The following ELOVL6 variants were observed in gnomAD, a reference collection of about 807,000 sequenced individuals.
The protein encoded by ELOVL6 is ELOVL fatty acid elongase 6, also known as very long chain fatty acid elongase 6.
In ELOVL6, 8 loss-of-function variants were observed where a neutral mutation model predicts 31.7. The observed-to-expected ratio is 0.25, with a 90% CI of 0.15 to 0.45. The LOEUF is 0.45. ELOVL6 is among the 20% of genes least tolerant of loss of function. ELOVL6 has a pLI of 1.00. For synonymous variants in ELOVL6, 101 were observed against 117.7 expected (o/e 0.86, Z 0.92); for missense variants, 126 against 326.4 (o/e 0.39, Z 4.73).
At chr4:110,065,696 G>C (rs1755280731) in intron 2 of ELOVL6, among the ~76,000 whole-genome samples, 1 of 152,012 alleles carries the variant, frequency 6.6e-6, no homozygotes. Flanking sequence ...TTACCTACTT[G>C]GAAAAAGACT....
chr4:110,094,127 T>C (rs1756497862), intron 2 of ELOVL6, among the ~76,000 whole-genome samples: 1 of 151,494 alleles, frequency 6.6e-6, no homozygotes, highest in Non-Finnish European at 1.5e-5. Flanking sequence ...CATGCGTCTG[T>C]AGTTCCAGCT....
At chr4:110,082,971 G>C (rs1755923095) in intron 2 of ELOVL6, among the ~76,000 whole-genome samples, 1 of 149,668 alleles carries the variant, frequency 6.7e-6, no homozygotes, top group Admixed American at 6.6e-5. Context: ...AACTGAAGAT[G>C]GAGACAAGAA....
rs938987999 is a variant in ELOVL6, at chr4:110,050,493, C to G, written c.*845G>C. The G allele has an allele frequency of 6.6e-6, 1 of 152,176 alleles. No individual in the cohort carries two copies. The highest frequency in any genetic ancestry group is 6.6e-5 in the Admixed American group (1 of 15,258). 9.4% of individuals were successfully genotyped at this position (152,176 alleles called of 1,614,324 possible). On this transcript the variant is annotated 3_prime_UTR_variant, in exon 4 of 4. Transcript: ENST00000302274. ...TATCTTTTTCAATTCTGTATTTACT[C>G]TTCTGTTCAAAAGCCCGGGGCAACT...
intron 2 of ELOVL6, among the ~76,000 whole-genome samples, chr4:110,093,916 T>C (rs1028539759): frequency 6.6e-6 from 1 of 152,022 alleles, no homozygotes; most frequent in African/African-American, 2.4e-5. Context: ...CAAGGCCAAA[T>C]GTGAGCAAAA....
At chr4:110,104,191 C>T (rs956326195) in intron 2 of ELOVL6, among the ~76,000 whole-genome samples, 2 of 152,132 alleles carry the variant, frequency 1.3e-5, no homozygotes, top group African/African-American at 4.8e-5. Flanking sequence ...TGAAAGGCTT[C>T]ATTAGGATAG....
chr4:110,070,454 T>G (rs1755436181), intron 2 of ELOVL6, among the ~76,000 whole-genome samples: 1 of 151,438 alleles, frequency 6.6e-6, no homozygotes, highest in Non-Finnish European at 1.5e-5. Flanking sequence ...ACTATTAATC[T>G]CTTTCAGGGC....
intron 1 of ELOVL6, among the ~76,000 whole-genome samples, chr4:110,111,131 C>A (rs899742693): frequency 5.9e-5 from 9 of 152,166 alleles, no homozygotes; most frequent in African/African-American, 2.2e-4. Flanking sequence ...CTCTTAGAAG[C>A]AGATTGGACA....
rs1486361822 is a variant in ELOVL6, at chr4:110,084,102, GAT to G, written c.221+21393_221+21394del. Among the ~76,000 whole-genome samples, 5 of 76,608 alleles carry G rather than the reference GAT, an allele frequency of 6.5e-5. 1 individual carries two copies. The highest frequency in any genetic ancestry group is 1.1e-4 in the Non-Finnish European group (5 of 46,520). The allele number at this position is 76,608 out of a possible 152,430, so 50.3% of individuals were successfully genotyped here. On this transcript the variant is annotated intron_variant, in intron 2 of 3. Coordinates refer to ENST00000302274, the MANE Select transcript of ELOVL6 (RefSeq NM_024090.3). ...TATATATGATATATAACATATATATGATATATATGATATATATAACATATATG... is the reference window on the plus strand; with the variant it reads ...TATATATGATATATAACATATATATGATATATGATATATATAACATATATG...
At chr4:110,196,594 C>G (rs370573275) in intron 1 of ELOVL6, among the ~76,000 whole-genome samples, 1 of 152,254 alleles carries the variant, frequency 6.6e-6, no homozygotes, top group Non-Finnish European at 1.5e-5. Context: ...CCTGCACCCC[C>G]TGGCCTCAGC....
intron 2 of ELOVL6, among the ~76,000 whole-genome samples, chr4:110,078,170 ATAT>A (rs1755709696): frequency 6.6e-6 from 1 of 152,248 alleles, no homozygotes; most frequent in Admixed American, 6.5e-5. Context: ...ACTCTGCAGG[ATAT>A]TATCCAGGAG....
At chr4:110,158,111 A>G (rs1213010723) in intron 1 of ELOVL6, among the ~76,000 whole-genome samples, 2 of 152,192 alleles carry the variant, frequency 1.3e-5, no homozygotes, top group Non-Finnish European at 1.5e-5. Flanking sequence ...TCATTATATT[A>G]TGCTCTTGCC....
rs375448228 is a variant in ELOVL6 at position 110,084,111 on chromosome 4, GAT to G, written c.221+21384_221+21385del. Among the ~76,000 whole-genome samples the G allele has an allele frequency of 3.0e-3, 145 of 47,932 alleles. 9 individuals are homozygous for G. The highest frequency in any genetic ancestry group is 0.015 in the African/African-American group (89 of 5,786). 31.4% of individuals were successfully genotyped at this position (47,932 alleles called of 152,430 possible). On this transcript the variant is annotated intron_variant, in intron 2 of 3. Transcript: ENST00000302274. Reference sequence around the variant, plus strand: ...TATATAACATATATATGATATATATGATATATATAACATATATGTGATAATGA... The same window carrying G: ...TATATAACATATATATGATATATATGATATATAACATATATGTGATAATGA...
rs1028840277 is a variant in ELOVL6 at position 110,181,053 on chromosome 4, G to A, written c.89+17194C>T. Among the ~76,000 whole-genome samples, 6 of 151,820 alleles carry A rather than the reference G, an allele frequency of 4.0e-5. No individual in the cohort carries two copies. In the East Asian group the frequency reaches 7.8e-4, roughly 20 times the overall value. ...CTAGGGAGGCTGAGGCGGAAGGATTGCTTGAGCTTAGGCATTCGAGGTTAC... is the reference window on the plus strand; with the variant it reads ...CTAGGGAGGCTGAGGCGGAAGGATTACTTGAGCTTAGGCATTCGAGGTTAC... On this transcript the variant is annotated intron_variant, in intron 1 of 3. Coordinates refer to ENST00000302274, the MANE Select transcript of ELOVL6 (RefSeq NM_024090.3).
At chr4:110,164,684 T>C (rs553534341) in intron 1 of ELOVL6, among the ~76,000 whole-genome samples, 2 of 138,906 alleles carry the variant, frequency 1.4e-5, no homozygotes, top group South Asian at 2.3e-4. Context: ...AAGGCTACAA[T>C]GAGCCATGAT....
At chr4:110,061,272 G>T (rs1299502323) in intron 2 of ELOVL6, among the ~76,000 whole-genome samples, 1 of 152,024 alleles carries the variant, frequency 6.6e-6, no homozygotes, top group Non-Finnish European at 1.5e-5. Context: ...TTCTCTTCTT[G>T]TTCACTGTGA....
Position 110,056,122 on chromosome 4 carries a change from TG to T in ELOVL6, c.373+3480del, listed in dbSNP as rs145744279. 2.4e-3 allele frequency among the ~76,000 whole-genome samples: 292 copies of T among 122,986 alleles called. 5 individuals are homozygous for T. The highest frequency in any genetic ancestry group is 4.0e-3 in the Middle Eastern group (1 of 248). The allele number at this position is 122,986 out of a possible 152,430, so 80.7% of individuals were successfully genotyped here. ...AACAAGAGTTTGAGTTTGTGGGAGC[TG>T]GGGGGGGGGATACAGTTTCAGTACT... On this transcript the variant is annotated intron_variant, in intron 3 of 3. Coordinates refer to ENST00000302274, the MANE Select transcript of ELOVL6 (RefSeq NM_024090.3).
chr4:110,145,038 A>G (rs1184972799), intron 1 of ELOVL6, among the ~76,000 whole-genome samples: 1 of 152,014 alleles, frequency 6.6e-6, no homozygotes, highest in Non-Finnish European at 1.5e-5. Flanking sequence ...GCAGGATACA[A>G]TATAAGAGCA....
At chr4:110,160,400 T>C (rs1758598961) in intron 1 of ELOVL6, among the ~76,000 whole-genome samples, 1 of 152,240 alleles carries the variant, frequency 6.6e-6, no homozygotes, top group Non-Finnish European at 1.5e-5. Context: ...GTTGCTTTAC[T>C]CATTAGCAGG....
chr4:110,145,820 A>G (rs116726160), intron 1 of ELOVL6, among the ~76,000 whole-genome samples: 1,629 of 152,270 alleles, frequency 0.011, 28 homozygotes, highest in African/African-American at 0.037. Context: ...AAATGCATCA[A>G]ATTTCCTTGC....
Sources: gnomAD v4.1 joint callset for allele counts (sites outside exome capture counted in the v4.1 genomes callset) on GRCh38, gnomAD v4.1.1 for gene constraint, MANE v1.5 for transcripts, NCBI Gene and HGNC (gene_info 2026-07-23, HGNC 2026-07-21) for gene names.